URB1: variants seen among roughly 807,000 people sequenced by gnomAD.
URB1 encodes the protein URB1 ribosome biogenesis factor.
In URB1, 197 loss-of-function variants were observed where a neutral mutation model predicts 242.3. The ratio of observed to expected loss-of-function variants is 0.81; its 90% CI spans 0.72 to 0.91. URB1 has a LOEUF of 0.91. URB1 is among the 40% of genes least tolerant of loss of function. URB1 has a pLI of 0.00. For synonymous variants in URB1, 1,153 were observed against 1,201.8 expected, an observed-to-expected ratio of 0.96 and a Z score of 0.84; for missense variants, 2,721 against 2,860.5, an observed-to-expected ratio of 0.95 and a Z score of 1.11.
chr21:32,320,857 C>A (rs1479626978), intron 34 of URB1, among the ~76,000 whole-genome samples: 1 of 152,190 alleles, frequency 6.6e-6, no homozygotes, highest in Non-Finnish European at 1.5e-5. Flanking sequence ...AATCTCTGGG[C>A]CCGGGGATCC....
rs2032622147 is a variant in URB1 at position 32,313,238 on chromosome 21, G to A, written c.*1680C>T. 6.6e-6 allele frequency: 1 copy of A among 152,290 alleles called. No individual in the cohort carries two copies. Among genetic ancestry groups the A allele is most frequent in the South Asian group, 2.1e-4 (1 of 4,836 alleles). The allele number at this position is 152,290 out of a possible 1,614,324, so 9.4% of individuals were successfully genotyped here. ...CTCGCTGCCCCTCCCTGTGCCCCCA[G>A]AGGCATGGGGTTCAGGGATATTCCC... On this transcript the variant is annotated 3_prime_UTR_variant, in exon 39 of 39. Coordinates refer to ENST00000382751, the MANE Select transcript of URB1 (RefSeq NM_014825.3).
chr21:32,313,299 A>G lies in URB1; in HGVS notation c.*1619T>C, dbSNP rs1295368583. The G allele has an allele frequency of 6.6e-6, 1 of 152,266 alleles. No individual in the cohort carries two copies. The highest frequency in any genetic ancestry group is 1.5e-5 in the Non-Finnish European group (1 of 68,056). The allele number at this position is 152,266 out of a possible 1,614,324, so 9.4% of individuals were successfully genotyped here. A position where few individuals can be genotyped will look rare whatever the true frequency, so the allele number is the denominator to read the frequency against. ...TCCTTCCGGCCAATGCCCCCTGCAT[A>G]AACAAGCAGAGGTGCCTATAACCAA... is the stretch of plus-strand genomic sequence containing the variant. On this transcript the variant is annotated 3_prime_UTR_variant, in exon 39 of 39. Coordinates refer to ENST00000382751, the MANE Select transcript of URB1 (RefSeq NM_014825.3).
chr21:32,371,986 C>T (rs9983146), intron 8 of URB1, among the ~76,000 whole-genome samples: 23,395 of 152,028 alleles, frequency 0.15, 2,438 homozygotes, highest in African/African-American at 0.3. Flanking sequence ...AATTTTGAAA[C>T]CGTGACTCAT....
At chr21:32,334,646 T>C (rs941438730) in intron 28 of URB1, among the ~76,000 whole-genome samples, 1 of 152,088 alleles carries the variant, frequency 6.6e-6, no homozygotes, top group Admixed American at 6.5e-5. Context: ...GTGGGTACTA[T>C]TATTATACCC....
chr21:32,360,274 G>C (rs1009416281), intron 13 of URB1, among the ~76,000 whole-genome samples: 1 of 152,214 alleles, frequency 6.6e-6, no homozygotes, highest in African/African-American at 2.4e-5. Flanking sequence ...TTTGTGGACA[G>C]AGACTGCAGC....
At chr21:32,362,115 G>A in intron 11 of URB1, 94 bp from the exon 12 acceptor site, 2 of 1,463,850 alleles carry the variant, frequency 1.4e-6, no homozygotes, top group Non-Finnish European at 1.8e-6. Flanking sequence ...AAAACAGGGA[G>A]GGGGGTGCGA....
At position 32,392,940 on chromosome 21, in the gene URB1, G is replaced by T; in HGVS notation, c.-30C>A. Reference sequence around the variant, plus strand: ...GAGAGGGCGGAAGCGCGACGGAAACGACACACCTGAGGGGACCCGGCAGGA... The same window carrying T: ...GAGAGGGCGGAAGCGCGACGGAAACTACACACCTGAGGGGACCCGGCAGGA... On this transcript the variant is annotated 5_prime_UTR_variant, in exon 1 of 39. Transcript: ENST00000382751. 1 of 1,489,356 alleles carries T rather than the reference G, an allele frequency of 6.7e-7. No individual in the cohort carries two copies. Among genetic ancestry groups the T allele is most frequent in the South Asian group, 1.3e-5 (1 of 78,436 alleles). 92.3% of individuals were successfully genotyped at this position (1,489,356 alleles called of 1,614,324 possible).
At position 32,317,685 on chromosome 21, in the gene URB1, C is replaced by T. The variant is rs1484328438; in HGVS notation, c.6025G>A (p.Glu2009Lys). ...RAAIEKAQAR[E>K]LMKMLKDKNK... Reference sequence around the variant, plus strand: ...GGGTTCTGACACTCACTCATGAGCTCCCGGGCTTGGGCCTTCTCAATGGCT... The same window carrying T: ...GGGTTCTGACACTCACTCATGAGCTTCCGGGCTTGGGCCTTCTCAATGGCT... Residue 2009 changes from glutamate (E) to lysine (K), a missense_variant, in exon 37 of 39, where the codon GAG becomes AAG. Transcript: ENST00000382751. 3 of 1,551,576 alleles carry T rather than the reference C, an allele frequency of 1.9e-6. No homozygotes were observed. Among genetic ancestry groups the T allele is most frequent in the Non-Finnish European group, 1.7e-6 (2 of 1,146,990 alleles).
chr21:32,343,285 T>C (rs1462377504), intron 24 of URB1, among the ~76,000 whole-genome samples: 1 of 152,142 alleles, frequency 6.6e-6, no homozygotes, highest in Non-Finnish European at 1.5e-5. Context: ...CCAAATTTTA[T>C]GAGTGGTAGA....
intron 25 of URB1, among the ~76,000 whole-genome samples, chr21:32,339,217 T>A (rs753429158): frequency 1.3e-5 from 2 of 152,182 alleles, no homozygotes; most frequent in Non-Finnish European, 2.9e-5. Context: ...TGGGCTTGAA[T>A]TCCTGACCTC....
intron 5 of URB1, among the ~76,000 whole-genome samples, chr21:32,376,749 C>T (rs192348865): frequency 2.2e-4 from 33 of 152,254 alleles, no homozygotes; most frequent in African/African-American, 7.5e-4. Flanking sequence ...GCAATTCTCC[C>T]ACCTCAGCTT....
In URB1 at chr21:32,373,813, G is replaced by T. The variant is rs539237129; in HGVS notation, c.751-41C>A. ...AACAAATTATTAAAAAACAAATTAT[G>T]AAAAAGTTCATGGAATTCAATTATT... On this transcript the variant is annotated intron_variant, in intron 6 of 38. Coordinates refer to ENST00000382751, the MANE Select transcript of URB1 (RefSeq NM_014825.3). 29 of 1,451,460 alleles carry T rather than the reference G, an allele frequency of 2.0e-5. No individual in the cohort carries two copies. In the South Asian group the frequency reaches 3.9e-4, roughly 20 times the overall value. 89.9% of individuals were successfully genotyped at this position (1,451,460 alleles called of 1,614,324 possible). A position where few individuals can be genotyped will look rare whatever the true frequency, so the allele number is the denominator to read the frequency against.
At chr21:32,320,988 G>A (rs2032758767) in intron 34 of URB1, among the ~76,000 whole-genome samples, 1 of 152,236 alleles carries the variant, frequency 6.6e-6, no homozygotes, top group Admixed American at 6.5e-5. Flanking sequence ...CTCCAGGCCA[G>A]CTGCTGGCCG....
Position 32,317,027 on chromosome 21 carries a change from G to C in URB1, c.6073C>G (p.Arg2025Gly). Reference sequence around the variant, plus strand: ...TTTCGGCCCCGTGGGCCTTTGGCTCGGGCTGGCATGACAGGCTTGTTCTTA... The same window carrying C: ...TTTCGGCCCCGTGGGCCTTTGGCTCCGGCTGGCATGACAGGCTTGTTCTTA... The part of the protein sequence containing the change: ...KDKNKPVMPA[R>G]AKGPRGRKRR... The change falls in exon 38 of 39, where the codon CGA (arginine) becomes GGA (glycine). Residue 2025 changes from arginine to glycine, a missense_variant. Physicochemically the swap from Arg to Gly is moderately radical, Grantham distance 125. Coordinates refer to ENST00000382751, the MANE Select transcript of URB1 (RefSeq NM_014825.3). 3 of 1,548,638 alleles carry C rather than the reference G, an allele frequency of 1.9e-6. No individual in the cohort carries two copies. The highest frequency in any genetic ancestry group is 2.6e-6 in the Non-Finnish European group (3 of 1,146,088).
In URB1 at chr21:32,339,393, C is replaced by G. The variant is rs118125726; in HGVS notation, c.4317-493G>C. ...CACCATCCAGGCTCTACCACTGACA[C>G]GGCACTGCATAGCTCTATCACAGTC... On this transcript the variant is annotated intron_variant, in intron 25 of 38. Transcript: ENST00000382751. Among the ~76,000 whole-genome samples, 717 of 152,266 alleles carry G rather than the reference C, an allele frequency of 4.7e-3. 5 individuals are homozygous for G. Among genetic ancestry groups the G allele is most frequent in the Non-Finnish European group, 8.1e-3 (548 of 68,022 alleles).
rs185290699 is a variant in URB1, at chr21:32,311,077, A to G, written c.*3841T>C. 136 of 152,666 alleles carry G rather than the reference A, an allele frequency of 8.9e-4. 2 individuals are homozygous for G. The South Asian group carries it at 0.017, about 19-fold the overall frequency. The allele number at this position is 152,666 out of a possible 1,614,324, so 9.5% of individuals were successfully genotyped here. A position where few individuals can be genotyped will look rare whatever the true frequency, so the allele number is the denominator to read the frequency against. On this transcript the variant is annotated 3_prime_UTR_variant, in exon 39 of 39. Transcript: ENST00000382751. ...AGTTTCACATGGCGGGGGAGGCTTCACAGTCATGGCAGAAGGCAAAGGAAG... is the reference window on the plus strand; with the variant it reads ...AGTTTCACATGGCGGGGGAGGCTTCGCAGTCATGGCAGAAGGCAAAGGAAG...
intron 4 of URB1, among the ~76,000 whole-genome samples, chr21:32,379,104 C>T (rs2033493035): frequency 1.3e-5 from 2 of 152,216 alleles, no homozygotes; most frequent in African/African-American, 2.4e-5. Flanking sequence ...GGGTTGTAGC[C>T]AGCACTGTCC....
chr21:32,373,630 C>T lies in URB1; in HGVS notation c.876+17G>A, dbSNP rs749218137. Reference sequence around the variant, plus strand: ...ATTCCAACAACGAGGTCAACGAAAACCAAAAAGTGTCTGCACCTTGACATT... The same window carrying T: ...ATTCCAACAACGAGGTCAACGAAAATCAAAAAGTGTCTGCACCTTGACATT... On this transcript the variant is annotated intron_variant, in intron 7 of 38. Transcript: ENST00000382751. The T allele has an allele frequency of 8.7e-5, 133 of 1,529,358 alleles. No homozygotes were observed. The highest frequency in any genetic ancestry group is 1.1e-4 in the Non-Finnish European group (124 of 1,140,244). The allele number at this position is 1,529,358 out of a possible 1,614,324, so 94.7% of individuals were successfully genotyped here.
At chr21:32,367,489 C>G (rs1464806046) in intron 9 of URB1, among the ~76,000 whole-genome samples, 1 of 152,186 alleles carries the variant, frequency 6.6e-6, no homozygotes, top group Non-Finnish European at 1.5e-5. Context: ...ATGCCAGGCC[C>G]AGGTAGAGGC....
Sources: allele counts gnomAD v4.1 joint callset (sites outside exome capture counted in the v4.1 genomes callset), GRCh38; gene constraint gnomAD v4.1.1; transcripts MANE v1.5; gene names NCBI Gene and HGNC (gene_info 2026-07-23, HGNC 2026-07-21).